Variants in MYO19 observed in about 807,000 individuals in gnomAD.
MYO19 encodes the protein unconventional myosin-XIX.
A neutral mutation model predicts 129.2 loss-of-function variants in MYO19; 132 were observed. That is an observed-to-expected ratio of 1.02 (90% CI 0.89 to 1.18). MYO19 has a LOEUF of 1.18. Among genes scored for constraint, MYO19 ranks in the 50% most tolerant of loss-of-function variants. The probability of loss-of-function intolerance (pLI) is 0.00; values close to 1 mark genes in which losing one functional copy is unlikely to be tolerated. For missense variants in MYO19, 1,210 were observed against 1,216.7 expected (o/e 0.99, Z 0.08); for synonymous variants, 531 against 477.2 (o/e 1.11, Z -1.47).
intron 6 of MYO19, 91 bp downstream of exon 6, chr17:36,525,134 AAAC>A: frequency 1.1e-6 from 1 of 921,384 alleles, no homozygotes; most frequent in Non-Finnish European, 1.7e-6. Flanking sequence ...ATTAGGAAGC[AAAC>A]AACTCCACAA....
At chr17:36,504,874 C>CTG (rs1406383683) in intron 19 of MYO19, 5 of 258,012 alleles carry the variant, frequency 1.9e-5, no homozygotes, top group South Asian at 3.9e-5. Flanking sequence ...GATTGCACCA[C>CTG]TGCACTCCAG....
chr17:36,517,351 C>T (rs910065832), intron 6 of MYO19, among the ~76,000 whole-genome samples: 2 of 152,174 alleles, frequency 1.3e-5, no homozygotes, highest in Admixed American at 6.5e-5. Context: ...CCTCTGCCTC[C>T]GGGGTTCAAG....
intron 6 of MYO19, among the ~76,000 whole-genome samples, chr17:36,518,049 C>T (rs923763703): frequency 6.7e-6 from 1 of 149,730 alleles, no homozygotes; most frequent in Non-Finnish European, 1.5e-5. Context: ...GAGCTCGCAC[C>T]GTTGCACTCC....
chr17:36,530,587 G>A (rs2073775672), intron 3 of MYO19, among the ~76,000 whole-genome samples: 1 of 149,042 alleles, frequency 6.7e-6, no homozygotes, highest in Non-Finnish European at 1.5e-5. Flanking sequence ...CTCCTGTGTA[G>A]CTGGGACTAC....
In MYO19 at chr17:36,500,874, C is replaced by T. The variant is rs1436976225; in HGVS notation, c.2333G>A (p.Arg778Gln). The T allele has an allele frequency of 1.1e-5, 18 of 1,605,432 alleles. No individual in the cohort carries two copies. The highest frequency in any genetic ancestry group is 2.2e-5 in the East Asian group (1 of 44,830). Residue 778 changes from arginine (R) to glutamine (Q), a missense_variant, in exon 23 of 26, where the codon CGA becomes CAA. Transcript: ENST00000614623. ...GGCCCGCCACTGCCGCTCCTGCTCT[C>T]GGTGCCGGTGTCGCCTCCAGCCACC... ...IQGGWRRHRH[R>Q]EQERQWRAVM...
intron 2 of MYO19, among the ~76,000 whole-genome samples, chr17:36,532,924 C>A (rs2073910858): frequency 6.6e-6 from 1 of 152,102 alleles, no homozygotes; most frequent in African/African-American, 2.4e-5. Flanking sequence ...GGCTGCAAAC[C>A]CTCTGGGTCA....
At chr17:36,544,058 T>C (rs1196129103), upstream of MYO19, among the ~76,000 whole-genome samples, 1 of 152,232 alleles carries the variant, frequency 6.6e-6, no homozygotes, top group African/African-American at 2.4e-5. Context: ...AGGTCAGAAC[T>C]GAACACACGG....
intron 2 of MYO19, among the ~76,000 whole-genome samples, 161 bp from the exon 3 acceptor site, chr17:36,532,842 GA>G (rs1222287069): frequency 6.6e-6 from 1 of 152,160 alleles, no homozygotes; most frequent in Non-Finnish European, 1.5e-5. Context: ...AGGAGACAGG[GA>G]AACTTTTATG....
chr17:36,508,150 C>A (rs751430241), intron 14 of MYO19: 1 of 393,068 alleles, frequency 2.5e-6, no homozygotes, highest in Non-Finnish European at 4.5e-6. Flanking sequence ...TCAGAGCAAG[C>A]AGGAAACCCA....
rs2070920205 is a variant in MYO19 at position 36,495,824 on chromosome 17, T to G, written c.*427A>C. 3.2e-6 allele frequency: 4 copies of G among 1,241,880 alleles called. No homozygotes were observed. In the East Asian group the frequency reaches 1.2e-4, roughly 38 times the overall value. 76.9% of individuals were successfully genotyped at this position (1,241,880 alleles called of 1,614,324 possible). A position where few individuals can be genotyped will look rare whatever the true frequency, so the allele number is the denominator to read the frequency against. On this transcript the variant is annotated 3_prime_UTR_variant, in exon 26 of 26. Coordinates refer to ENST00000614623, the MANE Select transcript of MYO19 (RefSeq NM_001163735.2). ...TAAATCAACTAATTAAATACTAAAGTTTTGTTCCTTTTTAAAGGAAATAAC... is the reference window on the plus strand; with the variant it reads ...TAAATCAACTAATTAAATACTAAAGGTTTGTTCCTTTTTAAAGGAAATAAC...
intron 13 of MYO19, chr17:36,509,822 ATC>A (rs1258758508): frequency 6.6e-6 from 1 of 152,274 alleles, no homozygotes; most frequent in African/African-American, 2.4e-5. Context: ...AGCTCACTCT[ATC>A]TGTGTTCATC....
chr17:36,510,839 C>A lies in MYO19; in HGVS notation c.1064G>T (p.Arg355Met). 1.3e-6 allele frequency: 2 copies of A among 1,581,450 alleles called. No individual in the cohort carries two copies. The highest frequency in any genetic ancestry group is 4.7e-5 in the East Asian group (2 of 42,978). The change falls in exon 13 of 26, where the codon AGG becomes ATG. Residue 355 changes from arginine to methionine, a missense_variant. Transcript: ENST00000614623. ...LLEMVQIRTIRAGRQQQVFRK... is the reference protein window; with the variant it reads ...LLEMVQIRTIMAGRQQQVFRK... ...GAACACCTGCTGCTGTCTGCCTGCC[C>A]TGATGGTTCTAATCTGCACCATCTC... is the stretch of plus-strand genomic sequence containing the variant.
intron 20 of MYO19, 117 bp downstream of exon 20, chr17:36,503,833 A>T: frequency 1.2e-6 from 1 of 825,138 alleles, no homozygotes; most frequent in Non-Finnish European, 1.8e-6. Flanking sequence ...TCTACAGACC[A>T]GCCTCTTTCT....
chr17:36,523,093 A>G (rs1304473890), intron 6 of MYO19, among the ~76,000 whole-genome samples: 2 of 150,118 alleles, frequency 1.3e-5, no homozygotes, highest in Non-Finnish European at 3.0e-5. Context: ...AGGCTGAGGC[A>G]TGAGAATTAT....
chr17:36,515,323 G>C (rs544840672), intron 7 of MYO19, 141 bp from the exon 8 acceptor site: 3 of 639,928 alleles, frequency 4.7e-6, no homozygotes, highest in East Asian at 3.0e-5. Context: ...TGTCATAGGG[G>C]ACAGGACTAG....
At chr17:36,517,855 G>A (rs571464637) in intron 6 of MYO19, among the ~76,000 whole-genome samples, 31 of 151,996 alleles carry the variant, frequency 2.0e-4, no homozygotes, top group African/African-American at 7.0e-4. Flanking sequence ...TTGGGAGGCT[G>A]AGGTGGGTGG....
upstream of MYO19, chr17:36,537,725 A>G (rs776949283): frequency 2.5e-6 from 4 of 1,614,020 alleles, no homozygotes; most frequent in South Asian, 2.2e-5. Flanking sequence ...CTGTTTGGCC[A>G]TTAGTCTTCC....
At chr17:36,527,924 C>T (rs903000868) in intron 4 of MYO19, 140 bp downstream of exon 4, 19 of 1,246,228 alleles carry the variant, frequency 1.5e-5, no homozygotes, top group African/African-American at 1.2e-4. Context: ...CTCCCTCAGG[C>T]GGAGGTCTGG....
chr17:36,540,890 G>GAGTT (rs2074194028), intron 2 of MYO19, among the ~76,000 whole-genome samples: 4 of 152,276 alleles, frequency 2.6e-5, no homozygotes, highest in African/African-American at 7.2e-5. Flanking sequence ...AATTTTTGAG[G>GAGTT]GCAGAGGAGA....
Sources: gnomAD v4.1 joint callset for allele counts (sites outside exome capture counted in the v4.1 genomes callset) on GRCh38, gnomAD v4.1.1 for gene constraint, MANE v1.5 for transcripts, NCBI Gene and HGNC (gene_info 2026-07-23, HGNC 2026-07-21) for gene names.